The following ANKS1A variants were observed in gnomAD, a reference collection of about 807,000 sequenced individuals.
ANKS1A encodes ankyrin repeat and sterile alpha motif domain containing 1A, also known as ankyrin repeat and SAM domain-containing protein 1A.
A neutral mutation model predicts 120.3 loss-of-function variants in ANKS1A; 55 were observed. That is an observed-to-expected ratio of 0.46 (90% confidence interval 0.37 to 0.57). The LOEUF is 0.57. Among genes scored for constraint, ANKS1A ranks in the 20% least tolerant of loss-of-function variants. The pLI is 0.00. For missense variants in ANKS1A, 1,123 were observed against 1,480.3 expected (o/e 0.76, Z 3.96); for synonymous variants, 590 against 604.7 (o/e 0.98, Z 0.36).
chr6:35,056,889 G>T (rs954636485), intron 12 of ANKS1A, among the ~76,000 whole-genome samples: 1 of 152,022 alleles, frequency 6.6e-6, no homozygotes, highest in Non-Finnish European at 1.5e-5. Flanking sequence ...GGGTCAGGAG[G>T]GGGCTTTCCC....
At chr6:34,910,307 GT>G in intron 1 of ANKS1A, among the ~76,000 whole-genome samples, 1 of 152,174 alleles carries the variant, frequency 6.6e-6, no homozygotes, top group African/African-American at 2.4e-5. Flanking sequence ...CTCGTGCCCT[GT>G]AATCCCAGCA....
At chr6:35,046,729 A>T (rs1158623597) in intron 11 of ANKS1A, among the ~76,000 whole-genome samples, 1 of 152,196 alleles carries the variant, frequency 6.6e-6, no homozygotes, top group Non-Finnish European at 1.5e-5. Context: ...TATATGATTA[A>T]CTAGAGTTCG....
At chr6:35,079,730 A>G (rs1172645836) in intron 15 of ANKS1A, 62 bp downstream of exon 15, 2 of 1,612,630 alleles carry the variant, frequency 1.2e-6, no homozygotes. Flanking sequence ...CCTTAGGGGC[A>G]GCCTGGCCCA....
rs771979998 is a variant in ANKS1A, at chr6:34,994,279, C to G, written c.1303-23C>G. On this transcript the variant is annotated intron_variant, in intron 9 of 23. Coordinates refer to ENST00000360359, the MANE Select transcript of ANKS1A (RefSeq NM_015245.3). ...TGGTATTAGCCACATGCACAAGATA[C>G]ACTGGATGTTTCTCTCCCTTAGGTT... is the stretch of plus-strand genomic sequence containing the variant. 1.2e-5 allele frequency: 20 copies of G among 1,611,280 alleles called. No homozygotes were observed. The South Asian group carries it at 2.0e-4, about 16-fold the overall frequency.
downstream of ANKS1A, among the ~76,000 whole-genome samples, chr6:35,094,928 C>A (rs898684875): frequency 1.3e-5 from 2 of 152,114 alleles, no homozygotes; most frequent in Non-Finnish European, 2.9e-5. Flanking sequence ...TTGCTTGAGT[C>A]CAGGAGCTCA....
In ANKS1A at chr6:34,970,169, C is replaced by T. The variant is rs773772015; in HGVS notation, c.435+3C>T. 30 of 1,609,976 alleles carry T rather than the reference C, an allele frequency of 1.9e-5. No individual in the cohort carries two copies. In the Admixed American group the frequency reaches 2.7e-4, roughly 14 times the overall value. Reference sequence around the variant, plus strand: ...CACACACCAGAGTCAATGAACAGGTCGGAAGGAAGGGAGGCTTTCCTTCCT... The same window carrying T: ...CACACACCAGAGTCAATGAACAGGTTGGAAGGAAGGGAGGCTTTCCTTCCT... On this transcript the variant is annotated splice_donor_region_variant and intron_variant, in intron 3 of 23. Coordinates refer to ENST00000360359, the MANE Select transcript of ANKS1A (RefSeq NM_015245.3).
intron 1 of ANKS1A, among the ~76,000 whole-genome samples, chr6:34,925,895 A>AGCATACATAG (rs1356168309): frequency 6.6e-6 from 1 of 152,212 alleles, no homozygotes; most frequent in African/African-American, 2.4e-5. Context: ...AATTTCATAC[A>AGCATACATAG]GCATACAAAG....
chr6:34,992,391 A>T (rs987261129), intron 9 of ANKS1A, among the ~76,000 whole-genome samples: 2 of 152,308 alleles, frequency 1.3e-5, no homozygotes, highest in East Asian at 1.9e-4. Context: ...TTCCACATGG[A>T]AGTCATCAGC....
At chr6:34,990,565 G>A (rs986278410) in intron 9 of ANKS1A, among the ~76,000 whole-genome samples, 2 of 147,744 alleles carry the variant, frequency 1.4e-5, no homozygotes, top group Admixed American at 6.8e-5. Flanking sequence ...CTCTGTAAAT[G>A]CCTTCTGCCC....
intron 3 of ANKS1A, among the ~76,000 whole-genome samples, chr6:34,973,904 C>A (rs1294441971): frequency 1.4e-5 from 1 of 71,896 alleles, no homozygotes; most frequent in Non-Finnish European, 2.9e-5. Flanking sequence ...CTTCCCTTCC[C>A]CTTCCCCTTC....
In ANKS1A at chr6:35,017,865, C is replaced by T. The variant is rs770431088; in HGVS notation, c.1816C>T (p.Arg606Ter). The T allele has an allele frequency of 2.5e-6, 4 of 1,614,064 alleles. No individual in the cohort carries two copies. The African/African-American group carries it at 5.3e-5, about 22-fold the overall frequency. The change falls in exon 11 of 24, where the codon CGA becomes TGA. Residue 606 changes from arginine to a stop codon, truncating the protein, a stop_gained. Coordinates refer to ENST00000360359, the MANE Select transcript of ANKS1A (RefSeq NM_015245.3). LOFTEE classifies it high-confidence loss of function. ...AGGAGACCGGAGTGGGGCCAGGAGC[C>T]GAGCGCCTCCCACTAGCAAACCCAA... Reference protein sequence around the residue: ...EEGDRSGARSRAPPTSKPKAE... With the variant: ...EEGDRSGARS
At chr6:34,920,968 T>TA (rs1214356186) in intron 1 of ANKS1A, among the ~76,000 whole-genome samples, 1 of 152,074 alleles carries the variant, frequency 6.6e-6, no homozygotes, top group Non-Finnish European at 1.5e-5. Flanking sequence ...GCTGGGGAGG[T>TA]ACTGAGTTGG....
At chr6:35,052,354 G>A (rs1027910901) in intron 11 of ANKS1A, among the ~76,000 whole-genome samples, 2 of 151,982 alleles carry the variant, frequency 1.3e-5, no homozygotes, top group Non-Finnish European at 2.9e-5. Context: ...GGGAGGCTGA[G>A]GTGGGTGGAT....
At chr6:34,951,481 A>C (rs946618531) in intron 1 of ANKS1A, among the ~76,000 whole-genome samples, 1 of 152,174 alleles carries the variant, frequency 6.6e-6, no homozygotes, top group African/African-American at 2.4e-5. Context: ...TGCATGTGTG[A>C]AAACAATTTT....
chr6:34,890,419 T>C (rs976087194), intron 1 of ANKS1A, among the ~76,000 whole-genome samples: 1 of 152,234 alleles, frequency 6.6e-6, no homozygotes, highest in African/African-American at 2.4e-5. Context: ...AAATTGCCTC[T>C]GGATGTATCA....
chr6:34,897,863 C>G (rs954119292), intron 1 of ANKS1A, among the ~76,000 whole-genome samples: 6 of 152,132 alleles, frequency 3.9e-5, no homozygotes, highest in African/African-American at 1.2e-4. Context: ...TACCACTGAT[C>G]CAGGAAGCAG....
chr6:34,934,734 C>T (rs1373332337), intron 1 of ANKS1A, among the ~76,000 whole-genome samples: 2 of 152,240 alleles, frequency 1.3e-5, no homozygotes, highest in Non-Finnish European at 2.9e-5. Flanking sequence ...TGCTCTTACA[C>T]ATGTGAAACC....
intron 1 of ANKS1A, among the ~76,000 whole-genome samples, chr6:34,949,287 C>T (rs1285378008): frequency 1.3e-5 from 2 of 152,146 alleles, no homozygotes; most frequent in Non-Finnish European, 2.9e-5. Flanking sequence ...GCATAGCTGA[C>T]ACCCAAGGTA....
chr6:35,091,996 G>A (rs1450175181), downstream of ANKS1A, among the ~76,000 whole-genome samples: 1 of 152,138 alleles, frequency 6.6e-6, no homozygotes, highest in African/African-American at 2.4e-5. Flanking sequence ...CGGTCATAGC[G>A]GCCCCTTCAC....
Sources: allele counts gnomAD v4.1 joint callset (sites outside exome capture counted in the v4.1 genomes callset), GRCh38; gene constraint gnomAD v4.1.1; transcripts MANE v1.5; gene names NCBI Gene and HGNC (gene_info 2026-07-23, HGNC 2026-07-21).